SMURF2: variants seen among roughly 807,000 people sequenced by gnomAD.
The protein encoded by SMURF2 is E3 ubiquitin-protein ligase SMURF2.
SMURF2 carries 48 observed loss-of-function variants against 109.6 expected under a neutral mutation model. The observed-to-expected ratio is 0.44, with a 90% CI of 0.35 to 0.56. The LOEUF is 0.56. SMURF2 is among the 20% of genes least tolerant of loss of function. The pLI, the probability that SMURF2 is intolerant of heterozygous loss-of-function variation, is 0.01. For missense variants in SMURF2, 575 were observed against 909.0 expected (o/e 0.63, Z 4.72); for synonymous variants, 288 against 317.1 (o/e 0.91, Z 0.97).
At chr17:64,571,562 C>A (rs1969399400) in intron 10 of SMURF2, among the ~76,000 whole-genome samples, 1 of 152,066 alleles carries the variant, frequency 6.6e-6, no homozygotes, top group Non-Finnish European at 1.5e-5. Flanking sequence ...TACACCACCA[C>A]ACCCAGCTAA....
intron 1 of SMURF2, among the ~76,000 whole-genome samples, chr17:64,655,778 C>T (rs1307898577): frequency 1.3e-5 from 2 of 151,966 alleles, no homozygotes; most frequent in Non-Finnish European, 2.9e-5. Context: ...ACCTGTAATC[C>T]CAGCTACTAG....
At chr17:64,659,662 G>A in intron 1 of SMURF2, among the ~76,000 whole-genome samples, 1 of 151,946 alleles carries the variant, frequency 6.6e-6, no homozygotes, top group Non-Finnish European at 1.5e-5. Flanking sequence ...TATCCAGTCA[G>A]TCAAAACAAT....
At chr17:64,626,140 T>A (rs1555691156) in intron 1 of SMURF2, among the ~76,000 whole-genome samples, 1 of 151,220 alleles carries the variant, frequency 6.6e-6, no homozygotes, top group Non-Finnish European at 1.5e-5. Context: ...GCACCTGTAA[T>A]CCCAGCTACT....
intron 1 of SMURF2, among the ~76,000 whole-genome samples, chr17:64,650,204 CTT>C (rs34557504): frequency 6.8e-5 from 9 of 132,556 alleles, no homozygotes; most frequent in Admixed American, 1.5e-4. Context: ...TAAGACTTGC[CTT>C]TTTTTTTTTT....
chr17:64,550,216 G>A (rs532708070), intron 16 of SMURF2, among the ~76,000 whole-genome samples: 3 of 152,140 alleles, frequency 2.0e-5, no homozygotes, highest in Non-Finnish European at 4.4e-5. Context: ...TTGCTAACAG[G>A]TCTATTAACA....
chr17:64,572,329 A>G (rs1555685639), intron 9 of SMURF2, among the ~76,000 whole-genome samples: 1 of 152,254 alleles, frequency 6.6e-6, no homozygotes, highest in Non-Finnish European at 1.5e-5. Context: ...AATGCTTTCT[A>G]AAATGTCCCT....
chr17:64,612,715 T>C (rs1555689684), intron 1 of SMURF2, among the ~76,000 whole-genome samples: 1 of 152,010 alleles, frequency 6.6e-6, no homozygotes, highest in East Asian at 1.9e-4. Flanking sequence ...TTATCATTTC[T>C]CTTTACTTAA....
chr17:64,620,817 T>C (rs975600300), intron 1 of SMURF2, among the ~76,000 whole-genome samples: 4 of 152,218 alleles, frequency 2.6e-5, no homozygotes, highest in Non-Finnish European at 5.9e-5. Context: ...TGCAAATACT[T>C]GTTGAATCAA....
intron 10 of SMURF2, among the ~76,000 whole-genome samples, chr17:64,569,611 T>C (rs1324583087): frequency 7.2e-5 from 11 of 151,994 alleles, no homozygotes; most frequent in African/African-American, 2.7e-4. Context: ...TCATCAGTAA[T>C]TAGGAAAATT....
chr17:64,647,451 C>T (rs1373158584), intron 1 of SMURF2, among the ~76,000 whole-genome samples: 1 of 152,022 alleles, frequency 6.6e-6, no homozygotes, highest in Admixed American at 6.6e-5. Context: ...GAGGCTGAAG[C>T]GGGCGGACCT....
chr17:64,651,704 C>T (rs1970642826), intron 1 of SMURF2, among the ~76,000 whole-genome samples: 1 of 151,734 alleles, frequency 6.6e-6, no homozygotes, highest in Admixed American at 6.6e-5. Flanking sequence ...CAGGGGATCA[C>T]TTGAGGCCAG....
chr17:64,596,814 G>C (rs1969825395), intron 3 of SMURF2, among the ~76,000 whole-genome samples: 1 of 152,080 alleles, frequency 6.6e-6, no homozygotes, highest in African/African-American at 2.4e-5. Context: ...AAGATCTTTA[G>C]TTCTATAGGA....
intron 1 of SMURF2, among the ~76,000 whole-genome samples, chr17:64,618,913 C>T (rs1166456723): frequency 1.3e-5 from 2 of 152,104 alleles, no homozygotes; most frequent in Non-Finnish European, 2.9e-5. Context: ...GGTCAGAATG[C>T]ATGGGTTTGA....
intron 1 of SMURF2, among the ~76,000 whole-genome samples, chr17:64,625,344 C>A (rs1301489508): frequency 6.6e-6 from 1 of 152,120 alleles, no homozygotes; most frequent in Non-Finnish European, 1.5e-5. Context: ...CACACTTAAG[C>A]AAAAATGCAA....
At chr17:64,636,841 TAATTTATA>T (rs1395265415) in intron 1 of SMURF2, among the ~76,000 whole-genome samples, 1 of 151,906 alleles carries the variant, frequency 6.6e-6, no homozygotes, top group Non-Finnish European at 1.5e-5. Context: ...TTATCAGGTA[TAATTTATA>T]AATATTTTCT....
intron 2 of SMURF2, among the ~76,000 whole-genome samples, chr17:64,601,814 A>G (rs1315673420): frequency 6.6e-6 from 1 of 151,488 alleles, no homozygotes; most frequent in Non-Finnish European, 1.5e-5. Flanking sequence ...CCTATCAATC[A>G]ACGAGTGGGT....
At chr17:64,621,988 A>AAT (rs57035569) in intron 1 of SMURF2, among the ~76,000 whole-genome samples, 4,217 of 128,222 alleles carry the variant, frequency 0.033, 98 homozygotes, top group African/African-American at 0.073. Flanking sequence ...ATAATAATAA[A>AAT]AAAAAGCACT....
At chr17:64,627,775 C>T (rs1265407036) in intron 1 of SMURF2, among the ~76,000 whole-genome samples, 12 of 152,152 alleles carry the variant, frequency 7.9e-5, no homozygotes, top group African/African-American at 2.9e-4. Flanking sequence ...AGCCAGTTCC[C>T]TGCTTACCAT....
chr17:64,639,303 G>A (rs781821561), intron 1 of SMURF2, among the ~76,000 whole-genome samples: 26 of 152,148 alleles, frequency 1.7e-4, no homozygotes, highest in African/African-American at 4.8e-4. Flanking sequence ...CAGGCTGGGC[G>A]TGGTGAGTCA....
Sources: allele counts gnomAD v4.1 joint callset (sites outside exome capture counted in the v4.1 genomes callset), GRCh38; gene constraint gnomAD v4.1.1; transcripts MANE v1.5; gene names NCBI Gene and HGNC (gene_info 2026-07-23, HGNC 2026-07-21).